Variants in LRRTM4 observed in about 807,000 individuals in gnomAD.
The protein encoded by LRRTM4 is leucine-rich repeat transmembrane neuronal protein 4.
A neutral mutation model predicts 47.6 loss-of-function variants in LRRTM4; 25 were observed. That is an observed-to-expected ratio of 0.53 (90% CI 0.38 to 0.73). LRRTM4 has a LOEUF of 0.73. LRRTM4 is among the 30% of genes least tolerant of loss of function. The probability of loss-of-function intolerance (pLI) is 0.00; values close to 1 mark genes in which losing one functional copy is unlikely to be tolerated. For missense variants in LRRTM4, 638 were observed against 713.4 expected, an observed-to-expected ratio of 0.89 and a Z score of 1.20; for synonymous variants, 311 against 269.5, an observed-to-expected ratio of 1.15 and a Z score of -1.51.
chr2:77,187,158 C>A (rs886737908), intron 3 of LRRTM4, among the ~76,000 whole-genome samples: 2 of 152,070 alleles, frequency 1.3e-5, no homozygotes, highest in Non-Finnish European at 2.9e-5. Flanking sequence ...AGTCTGTAGC[C>A]AATGTCTGGA....
At chr2:76,959,249 T>C (rs1675774478) in intron 3 of LRRTM4, among the ~76,000 whole-genome samples, 1 of 151,736 alleles carries the variant, frequency 6.6e-6, no homozygotes, top group African/African-American at 2.4e-5. Flanking sequence ...TATGTTTTCA[T>C]CATGATATCA....
At chr2:77,343,306 A>G (rs1671442611) in intron 3 of LRRTM4, among the ~76,000 whole-genome samples, 1 of 151,998 alleles carries the variant, frequency 6.6e-6, no homozygotes, top group Non-Finnish European at 1.5e-5. Context: ...TTGTCATAAA[A>G]TAGATTTTTC....
chr2:77,402,816 A>G (rs1674012408), intron 3 of LRRTM4, among the ~76,000 whole-genome samples: 1 of 151,806 alleles, frequency 6.6e-6, no homozygotes, highest in Non-Finnish European at 1.5e-5. Flanking sequence ...TTAACATTTC[A>G]TTTTCAATTT....
intron 3 of LRRTM4, among the ~76,000 whole-genome samples, chr2:77,457,487 G>A (rs1158572904): frequency 6.6e-6 from 1 of 151,678 alleles, no homozygotes; most frequent in Non-Finnish European, 1.5e-5. Flanking sequence ...CAACATTCCT[G>A]CCTTCATTTA....
chr2:76,801,406 T>C (rs569592092), intron 3 of LRRTM4, among the ~76,000 whole-genome samples: 36 of 151,734 alleles, frequency 2.4e-4, no homozygotes, highest in South Asian at 2.1e-3. Flanking sequence ...CAGTAAACTA[T>C]CGCAAGAACA....
chr2:77,089,053 C>T (rs772934958), intron 3 of LRRTM4, among the ~76,000 whole-genome samples: 4 of 152,124 alleles, frequency 2.6e-5, no homozygotes, highest in Admixed American at 6.5e-5. Context: ...GCAGGGACAC[C>T]TCTCTGATTA....
At chr2:77,393,488 G>C (rs537986042) in intron 3 of LRRTM4, among the ~76,000 whole-genome samples, 3 of 151,964 alleles carry the variant, frequency 2.0e-5, no homozygotes, top group African/African-American at 7.2e-5. Flanking sequence ...AGTTCATTGC[G>C]GGAGTTTAAT....
chr2:76,912,722 T>C (rs971012319), intron 3 of LRRTM4, among the ~76,000 whole-genome samples: 2 of 152,176 alleles, frequency 1.3e-5, no homozygotes, highest in Admixed American at 6.5e-5. Flanking sequence ...TTGTTTCCTA[T>C]GGTTTAACAC....
chr2:76,974,905 G>A (rs1218071280), intron 3 of LRRTM4, among the ~76,000 whole-genome samples: 1 of 151,544 alleles, frequency 6.6e-6, no homozygotes, highest in Non-Finnish European at 1.5e-5. Flanking sequence ...ATCTTGGCAT[G>A]TATTTTAATA....
At chr2:76,760,924 T>C (rs1328059339) in intron 3 of LRRTM4, among the ~76,000 whole-genome samples, 34 of 152,230 alleles carry the variant, frequency 2.2e-4, no homozygotes, top group Admixed American at 1.9e-3. Context: ...TTTAGAGCAG[T>C]GGTTCTCAGT....
intron 3 of LRRTM4, among the ~76,000 whole-genome samples, chr2:77,452,050 A>G (rs1290396951): frequency 6.6e-6 from 1 of 152,116 alleles, no homozygotes; most frequent in African/African-American, 2.4e-5. Context: ...AGGAGGGAAC[A>G]TGTAGCTTCT....
intron 3 of LRRTM4, among the ~76,000 whole-genome samples, chr2:77,262,687 T>C (rs1419387118): frequency 6.6e-6 from 1 of 152,030 alleles, no homozygotes; most frequent in Non-Finnish European, 1.5e-5. Context: ...AATATTTGTC[T>C]CATGGTTAAC....
At chr2:77,386,118 T>C (rs1673261401) in intron 3 of LRRTM4, among the ~76,000 whole-genome samples, 1 of 148,636 alleles carries the variant, frequency 6.7e-6, no homozygotes, top group South Asian at 2.2e-4. Flanking sequence ...ATATTATATG[T>C]TATTAAACAT....
At chr2:76,771,481 G>A (rs1673703091) in intron 3 of LRRTM4, among the ~76,000 whole-genome samples, 1 of 152,082 alleles carries the variant, frequency 6.6e-6, no homozygotes, top group Non-Finnish European at 1.5e-5. Flanking sequence ...AAGGGCTCCA[G>A]GAGGAACCCC....
intron 3 of LRRTM4, among the ~76,000 whole-genome samples, chr2:77,042,508 G>T (rs1213815289): frequency 1.3e-5 from 2 of 151,436 alleles, no homozygotes; most frequent in Non-Finnish European, 3.0e-5. Context: ...AATATTATAG[G>T]TACTCAACCA....
chr2:76,866,442 A>G (rs965052978), intron 3 of LRRTM4, among the ~76,000 whole-genome samples: 5 of 152,068 alleles, frequency 3.3e-5, no homozygotes, highest in Non-Finnish European at 5.9e-5. Flanking sequence ...CTCGGCAAGG[A>G]GCATTTGGAT....
chr2:77,499,657 A>C (rs1003380402), intron 3 of LRRTM4, among the ~76,000 whole-genome samples: 9 of 152,076 alleles, frequency 5.9e-5, no homozygotes, highest in African/African-American at 1.9e-4. Flanking sequence ...ACAACAAAAA[A>C]GCTTACGACT....
intron 3 of LRRTM4, among the ~76,000 whole-genome samples, chr2:77,281,932 T>G (rs1371007309): frequency 6.6e-6 from 1 of 151,838 alleles, no homozygotes. Context: ...ATCATTCACA[T>G]TGTAGATTTT....
intron 3 of LRRTM4, among the ~76,000 whole-genome samples, chr2:76,873,967 T>C (rs867254730): frequency 3.3e-5 from 5 of 152,024 alleles, no homozygotes; most frequent in Admixed American, 6.6e-5. Context: ...ATCATATTTA[T>C]TGTAAACCAG....
Sources: gnomAD v4.1 joint callset for allele counts (sites outside exome capture counted in the v4.1 genomes callset) on GRCh38, gnomAD v4.1.1 for gene constraint, MANE v1.5 for transcripts, NCBI Gene and HGNC (gene_info 2026-07-23, HGNC 2026-07-21) for gene names.